The following SEPTIN9 variants were observed in gnomAD, a reference collection of about 807,000 sequenced individuals.
SEPTIN9 encodes septin 9.
Under a neutral mutation model 56.6 loss-of-function variants are expected in SEPTIN9, and 13 were observed. The ratio of observed to expected loss-of-function variants is 0.23; its 90% confidence interval spans 0.15 to 0.37. The LOEUF (loss-of-function observed/expected upper bound fraction) is 0.37. Among genes scored for constraint, SEPTIN9 ranks in the 10% least tolerant of loss-of-function variants. The probability of loss-of-function intolerance (pLI) is 1.00; values close to 1 mark genes in which losing one functional copy is unlikely to be tolerated. For missense variants in SEPTIN9, 650 were observed against 823.1 expected, an observed-to-expected ratio of 0.79 and a Z score of 2.57; for synonymous variants, 332 against 334.1, an observed-to-expected ratio of 0.99 and a Z score of 0.07.
At chr17:77,428,868 G>A (rs1053092339) in intron 3 of SEPTIN9, 6 of 404,752 alleles carry the variant, frequency 1.5e-5, no homozygotes, top group African/African-American at 1.0e-4. Flanking sequence ...TGATAAGCAG[G>A]TTATTGACTC....
In SEPTIN9 at chr17:77,435,533, T is replaced by C. The variant is rs891573673; in HGVS notation, c.721+32830T>C. 6.6e-6 allele frequency among the ~76,000 whole-genome samples: 1 copy of C among 152,164 alleles called. No homozygotes were observed. Among genetic ancestry groups the C allele is most frequent in the African/African-American group, 2.4e-5 (1 of 41,430 alleles). ...CAGTGCCGCCTGCCCTACACCTGAT[T>C]GGCAGCAGAGTGGCCCCTCCTTGGT... On this transcript the variant is annotated intron_variant, in intron 3 of 11. Transcript: ENST00000427177. The surrounding 1 kb of genome is among the most constrained non-coding windows in gnomAD (Gnocchi z 4.5).
intron 7 of SEPTIN9, 45 bp downstream of exon 7, chr17:77,488,909 T>C: frequency 6.2e-7 from 1 of 1,608,000 alleles, no homozygotes; most frequent in Non-Finnish European, 8.5e-7. Context: ...GTGCCCTGGG[T>C]TCCCTCTGTC....
intron 3 of SEPTIN9, among the ~76,000 whole-genome samples, chr17:77,459,531 A>G (rs760104603): frequency 6.6e-6 from 1 of 151,222 alleles, no homozygotes; most frequent in Non-Finnish European, 1.5e-5. Flanking sequence ...GTGTTCGTCC[A>G]TTTTGAGTTG....
chr17:77,395,682 G>GT (rs2035687001), intron 2 of SEPTIN9, among the ~76,000 whole-genome samples: 3 of 152,174 alleles, frequency 2.0e-5, no homozygotes, highest in Admixed American at 1.3e-4. Flanking sequence ...TTCTGCCCGG[G>GT]TGTGAGTGTG....
rs777892535 is a variant in SEPTIN9 at position 77,327,464 on chromosome 17, G to T, written c.76+20267G>T. On this transcript the variant is annotated intron_variant, in intron 2 of 11. Coordinates refer to ENST00000427177, the MANE Select transcript of SEPTIN9 (RefSeq NM_001113491.2). The surrounding 1 kb of genome is among the most constrained non-coding windows in gnomAD (Gnocchi z 5.0). ...TGGCATAGATTCTGGGGCTGCCTTG[G>T]TTCAAGCCCACCCTGACTTGGAGCC... is the stretch of plus-strand genomic sequence containing the variant. Among the ~76,000 whole-genome samples the T allele has an allele frequency of 6.6e-5, 10 of 152,176 alleles. No homozygotes were observed. The highest frequency in any genetic ancestry group is 1.0e-4 in the Non-Finnish European group (7 of 68,026).
chr17:77,345,616 T>C (rs774026277), intron 2 of SEPTIN9, among the ~76,000 whole-genome samples: 4 of 152,150 alleles, frequency 2.6e-5, no homozygotes, highest in African/African-American at 4.8e-5. Context: ...TGAGGTCCCA[T>C]TGGGCTAGAG....
chr17:77,490,816 C>T lies in SEPTIN9; in HGVS notation c.1337C>T (p.Ala446Val), dbSNP rs760752419. Reference sequence around the variant, plus strand: ...AACATCGTCCCTGTCATCGCCAAGGCGGACACACTCACCCTGGAGGAGAGG... The same window carrying T: ...AACATCGTCCCTGTCATCGCCAAGGTGGACACACTCACCCTGGAGGAGAGG... ...VVNIVPVIAK[A>V]DTLTLEERVH... The change falls in exon 8 of 12, where the codon GCG becomes GTG. Residue 446 changes from alanine to valine, a missense_variant. This residue lies in a region of SEPTIN9 where 333 missense variants were observed against 494.0 expected (regional missense o/e 0.67). Transcript: ENST00000427177. 1.9e-6 allele frequency: 3 copies of T among 1,594,512 alleles called. No homozygotes were observed. Among genetic ancestry groups the T allele is most frequent in the South Asian group, 1.1e-5 (1 of 87,760 alleles).
intron 3 of SEPTIN9, among the ~76,000 whole-genome samples, chr17:77,431,050 A>C (rs1231226203): frequency 6.6e-6 from 1 of 151,796 alleles, no homozygotes; most frequent in African/African-American, 2.4e-5. Flanking sequence ...TCCTGATTGA[A>C]AAGCAATCTT....
chr17:77,289,070 C>T (rs529399768), intron 1 of SEPTIN9, among the ~76,000 whole-genome samples: 103 of 152,164 alleles, frequency 6.8e-4, no homozygotes, highest in African/African-American at 2.1e-3. Context: ...TGTATTATGC[C>T]GCTTCTTTTT....
At chr17:77,481,532 G>A (rs976842767) in intron 3 of SEPTIN9, among the ~76,000 whole-genome samples, 2 of 152,082 alleles carry the variant, frequency 1.3e-5, no homozygotes, top group Non-Finnish European at 2.9e-5. Context: ...GGGGACCGAC[G>A]CTGGTTCTAT....
At position 77,402,036 on chromosome 17, in the gene SEPTIN9, C is replaced by T; in HGVS notation, c.77-23C>T. On this transcript the variant is annotated intron_variant, in intron 2 of 11. Transcript: ENST00000427177. The surrounding 1 kb of genome is among the most constrained non-coding windows in gnomAD (Gnocchi z 6.6). ...TCCCTAGCCATCCATTCACCAATTG[C>T]ATCCCCTCTCTTTATTTTTCAGCCT... 6.2e-7 allele frequency: 1 copy of T among 1,604,602 alleles called. No individual in the cohort carries two copies. Among genetic ancestry groups the T allele is most frequent in the Non-Finnish European group, 8.5e-7 (1 of 1,173,404 alleles).
intron 2 of SEPTIN9, among the ~76,000 whole-genome samples, chr17:77,378,052 C>G (rs2034996493): frequency 6.6e-6 from 1 of 152,174 alleles, no homozygotes; most frequent in Admixed American, 6.5e-5. Context: ...GGGGCGGACA[C>G]AGCACCCAGG....
At chr17:77,447,988 C>A (rs1309817615) in intron 3 of SEPTIN9, among the ~76,000 whole-genome samples, 1 of 152,146 alleles carries the variant, frequency 6.6e-6, no homozygotes, top group Non-Finnish European at 1.5e-5. Flanking sequence ...GCGGGTGACA[C>A]TGATGGTGGG....
chr17:77,485,425 T>C (rs1379321644), intron 4 of SEPTIN9, among the ~76,000 whole-genome samples: 1 of 151,340 alleles, frequency 6.6e-6, no homozygotes, highest in Non-Finnish European at 1.5e-5. Flanking sequence ...ACAGTGGTGG[T>C]GGTGATGAGG....
At chr17:77,291,336 C>G (rs1423591770) in intron 1 of SEPTIN9, among the ~76,000 whole-genome samples, 1 of 150,358 alleles carries the variant, frequency 6.7e-6, no homozygotes, top group East Asian at 2.1e-4. Context: ...GCCTGGCATG[C>G]CTGGCTAATT....
intron 3 of SEPTIN9, among the ~76,000 whole-genome samples, chr17:77,466,846 A>T (rs1382076849): frequency 2.0e-5 from 3 of 152,196 alleles, no homozygotes; most frequent in African/African-American, 7.2e-5. Flanking sequence ...AGTAAATGTG[A>T]GCCGTCTGTA....
intron 4 of SEPTIN9, 72 bp downstream of exon 4, chr17:77,482,407 C>G: frequency 2.7e-6 from 4 of 1,485,634 alleles, no homozygotes; most frequent in Non-Finnish European, 3.7e-6. Context: ...GGCCCACAAG[C>G]CTTTGGGCTT....
chr17:77,302,124 T>C (rs1307571291), intron 1 of SEPTIN9, among the ~76,000 whole-genome samples: 3 of 152,212 alleles, frequency 2.0e-5, no homozygotes, highest in Non-Finnish European at 4.4e-5. Flanking sequence ...AGTGCCTGTT[T>C]AAACATTTCC....
chr17:77,394,599 A>C (rs560875092), intron 2 of SEPTIN9, among the ~76,000 whole-genome samples: 1 of 152,180 alleles, frequency 6.6e-6, no homozygotes, highest in East Asian at 1.9e-4. Context: ...TGCGCATGAG[A>C]TTATTCTGAC....
Sources: gnomAD v4.1 joint callset for allele counts (sites outside exome capture counted in the v4.1 genomes callset) on GRCh38, gnomAD v4.1.1 for gene constraint, gnomAD v4.1.1 regional missense constraint, Gnocchi (gnomAD v3.1) non-coding constraint, MANE v1.5 for transcripts, NCBI Gene and HGNC (gene_info 2026-07-23, HGNC 2026-07-21) for gene names.